Variants in THADA observed in about 807,000 individuals in gnomAD.
THADA encodes tRNA (32-2'-O)-methyltransferase regulator THADA.
A neutral mutation model predicts 219.8 loss-of-function variants in THADA; 213 were observed. The observed-to-expected ratio is 0.97, with a 90% CI of 0.87 to 1.09. The LOEUF is 1.09. THADA is among the 50% of genes least tolerant of loss of function. THADA has a pLI of 0.00. For synonymous variants in THADA, 1,018 were observed against 828.9 expected (o/e 1.23, Z -3.92); for missense variants, 2,956 against 2,311.3 (o/e 1.28, Z -5.72).
At chr2:43,300,245 C>T (rs1197500610) in intron 31 of THADA, among the ~76,000 whole-genome samples, 2 of 151,894 alleles carry the variant, frequency 1.3e-5, no homozygotes, top group African/African-American at 4.8e-5. Flanking sequence ...AAGCAATTCT[C>T]CTGCCTCAGC....
intron 29 of THADA, among the ~76,000 whole-genome samples, chr2:43,350,172 A>G (rs1668088746): frequency 6.6e-6 from 1 of 152,076 alleles, no homozygotes; most frequent in African/African-American, 2.4e-5. Context: ...TATCCTGTCG[A>G]CTTAATTCAT....
chr2:43,517,985 TGCC>T (rs1364471132), intron 22 of THADA, among the ~76,000 whole-genome samples: 2 of 152,198 alleles, frequency 1.3e-5, no homozygotes, highest in African/African-American at 4.8e-5. Context: ...TGCTGCTTCT[TGCC>T]ATTCAGGCCC....
At chr2:43,484,939 T>C (rs1461195157) in intron 26 of THADA, among the ~76,000 whole-genome samples, 1 of 143,410 alleles carries the variant, frequency 7.0e-6, no homozygotes, top group Non-Finnish European at 1.5e-5. Flanking sequence ...GAAGATGCAA[T>C]TAAAAAAAAA....
chr2:43,522,602 G>A (rs1280618658), intron 22 of THADA, among the ~76,000 whole-genome samples: 1 of 152,152 alleles, frequency 6.6e-6, no homozygotes, highest in African/African-American at 2.4e-5. Context: ...TACTCACTGA[G>A]AACAAAGTCC....
chr2:43,515,542 A>G (rs1691622281), intron 22 of THADA, among the ~76,000 whole-genome samples: 1 of 148,782 alleles, frequency 6.7e-6, no homozygotes, highest in African/African-American at 2.5e-5. Flanking sequence ...GTGTATATAC[A>G]TAACGATAGT....
chr2:43,294,243 A>G (rs2104377302), intron 31 of THADA, among the ~76,000 whole-genome samples: 1 of 152,364 alleles, frequency 6.6e-6, no homozygotes, highest in South Asian at 2.1e-4. Context: ...TTGCCTGCTT[A>G]CTATGTGCTA....
At chr2:43,242,334 T>C (rs971708830) in intron 36 of THADA, among the ~76,000 whole-genome samples, 17 of 152,232 alleles carry the variant, frequency 1.1e-4, no homozygotes, top group Non-Finnish European at 1.5e-4. Flanking sequence ...GAATAAGGTC[T>C]AGGTAGATAG....
intron 30 of THADA, chr2:43,343,822 T>A (rs544206174): frequency 2.8e-5 from 7 of 246,888 alleles, no homozygotes; most frequent in Non-Finnish European, 5.7e-5. Context: ...CTGCCTTTCA[T>A]TGTTATAATA....
At chr2:43,272,461 C>T (rs1220170431) in intron 36 of THADA, among the ~76,000 whole-genome samples, 2 of 152,126 alleles carry the variant, frequency 1.3e-5, no homozygotes, top group Non-Finnish European at 2.9e-5. Flanking sequence ...GGCGGACAGG[C>T]ACTTTCTAAG....
chr2:43,371,187 T>C (rs1670760185), intron 29 of THADA, among the ~76,000 whole-genome samples: 1 of 152,202 alleles, frequency 6.6e-6, no homozygotes, highest in Non-Finnish European at 1.5e-5. Flanking sequence ...TTGGGGAACC[T>C]TTTTAGATAA....
chr2:43,338,385 G>A (rs965832449), intron 30 of THADA, among the ~76,000 whole-genome samples: 2 of 152,070 alleles, frequency 1.3e-5, no homozygotes, highest in African/African-American at 4.8e-5. Flanking sequence ...TTGAACTCCT[G>A]ACCTCAAGTG....
At chr2:43,447,501 T>C (rs1293014561) in intron 26 of THADA, among the ~76,000 whole-genome samples, 3 of 152,214 alleles carry the variant, frequency 2.0e-5, no homozygotes, top group African/African-American at 2.4e-5. Context: ...ATAGCATTTA[T>C]AGATTCTGGG....
At chr2:43,526,850 C>T (rs62138769) in intron 22 of THADA, among the ~76,000 whole-genome samples, 7,258 of 152,238 alleles carry the variant, frequency 0.048, 251 homozygotes, top group Middle Eastern at 0.088. Context: ...CAGTACTAAG[C>T]ACACTGCTGG....
At position 43,560,372 on chromosome 2, in the gene THADA, T is replaced by C. The variant is rs755172120; in HGVS notation, c.2325A>G (p.Thr775=). 2 of 1,586,144 alleles carry C rather than the reference T, an allele frequency of 1.3e-6. No individual in the cohort carries two copies. Among genetic ancestry groups the C allele is most frequent in the South Asian group, 1.2e-5 (1 of 85,218 alleles). ...CAATATCATGACTCAGCTGATATAC[T>C]GTATAAATTCTGCCTAAAAATATTT... ...VFHVPEGRIY[T]VYQLSHDIDV... is the part of the protein sequence containing the mutation. The change falls in exon 16 of 38, where the codon ACA becomes ACG. Residue 775 remains threonine, a synonymous_variant. Coordinates refer to ENST00000405975, the MANE Select transcript of THADA (RefSeq NM_022065.5).
intron 29 of THADA, chr2:43,392,051 T>C (rs554292217): frequency 6.6e-6 from 1 of 152,192 alleles, no homozygotes; most frequent in Admixed American, 6.5e-5. Flanking sequence ...TGATTTTCCA[T>C]TCTGAAATAA....
chr2:43,432,942 CTT>C (rs34695740), intron 26 of THADA, among the ~76,000 whole-genome samples: 1 of 152,074 alleles, frequency 6.6e-6, no homozygotes, highest in Non-Finnish European at 1.5e-5. Flanking sequence ...TTAATAATGT[CTT>C]TTGATGAGGA....
At chr2:43,412,261 A>C (rs552153784) in intron 28 of THADA, among the ~76,000 whole-genome samples, 17 of 152,294 alleles carry the variant, frequency 1.1e-4, no homozygotes, top group East Asian at 9.6e-4. Context: ...TATCAAAATA[A>C]TACTACTAAT....
At chr2:43,405,974 A>G (rs1675478526) in intron 28 of THADA, among the ~76,000 whole-genome samples, 1 of 152,246 alleles carries the variant, frequency 6.6e-6, no homozygotes. Context: ...TAAGCCTCAG[A>G]AAAGCATGCT....
At chr2:43,322,737 G>A (rs1248951251) in intron 30 of THADA, among the ~76,000 whole-genome samples, 2 of 123,628 alleles carry the variant, frequency 1.6e-5, no homozygotes, top group Admixed American at 9.7e-5. Context: ...CCAGGCTGGA[G>A]TGCAGTGGTG....
Sources: allele counts gnomAD v4.1 joint callset (sites outside exome capture counted in the v4.1 genomes callset), GRCh38; gene constraint gnomAD v4.1.1; transcripts MANE v1.5; gene names NCBI Gene and HGNC (gene_info 2026-07-23, HGNC 2026-07-21).